The following PLXNA4 variants were observed in gnomAD, a reference collection of about 807,000 sequenced individuals.
PLXNA4 encodes plexin A4, also known as plexin-A4.
Under a neutral mutation model 191.8 loss-of-function variants are expected in PLXNA4, and 44 were observed. That is an observed-to-expected ratio of 0.23 (90% CI 0.18 to 0.29). The LOEUF (loss-of-function observed/expected upper bound fraction) is 0.29, where lower values mean the gene tolerates loss of function less well. Ranked by LOEUF, PLXNA4 falls within the 10% of genes least tolerant of loss-of-function variation. The pLI is 1.00. For synonymous variants in PLXNA4, 1,082 were observed against 1,009.5 expected (o/e 1.07, Z -1.36); for missense variants, 1,800 against 2,488.8 (o/e 0.72, Z 5.89).
intron 7 of PLXNA4, among the ~76,000 whole-genome samples, 189 bp from the exon 8 acceptor site, chr7:132,226,449 T>C (rs1189541471): frequency 2.6e-5 from 4 of 152,128 alleles, no homozygotes; most frequent in East Asian, 3.9e-4. Flanking sequence ...TCTTGTCTAT[T>C]CTCCCTGCCC....
intron 20 of PLXNA4, 50 bp downstream of exon 20, chr7:132,179,637 T>C (rs1013540805): frequency 3.1e-6 from 5 of 1,589,876 alleles, no homozygotes; most frequent in Admixed American, 1.7e-5. Context: ...TGCACACACA[T>C]ATGCACACAC....
At chr7:132,648,138 TACAC>T (rs750632611) in intron 1 of PLXNA4, among the ~76,000 whole-genome samples, 8 of 152,030 alleles carry the variant, frequency 5.3e-5, no homozygotes, top group Non-Finnish European at 1.0e-4. Flanking sequence ...TACACTCACG[TACAC>T]ACACACTTAT....
chr7:132,428,319 C>T (rs1321128026), intron 3 of PLXNA4, among the ~76,000 whole-genome samples: 1 of 152,224 alleles, frequency 6.6e-6, no homozygotes, highest in Non-Finnish European at 1.5e-5. Flanking sequence ...TGGGAAGTCC[C>T]TATGCTCTCC....
At chr7:132,524,029 G>A (rs1165499460) in intron 1 of PLXNA4, among the ~76,000 whole-genome samples, 1 of 152,178 alleles carries the variant, frequency 6.6e-6, no homozygotes, top group African/African-American at 2.4e-5. Context: ...GGCATCTCAT[G>A]TAAATGCTCC....
chr7:132,498,020 A>G (rs908513163), intron 2 of PLXNA4, among the ~76,000 whole-genome samples: 1 of 152,186 alleles, frequency 6.6e-6, no homozygotes, highest in Non-Finnish European at 1.5e-5. Context: ...AAAACAACCC[A>G]ACAAATTATA....
At chr7:132,555,817 C>T (rs1214589939) in intron 1 of PLXNA4, among the ~76,000 whole-genome samples, 1 of 152,216 alleles carries the variant, frequency 6.6e-6, no homozygotes, top group East Asian at 1.9e-4. Context: ...CTAACCAGGG[C>T]TGGTGACTTA....
intron 3 of PLXNA4, among the ~76,000 whole-genome samples, chr7:132,332,850 C>T (rs1271303161): frequency 6.7e-6 from 1 of 149,066 alleles, no homozygotes; most frequent in East Asian, 1.9e-4. Context: ...ACAGAGTAAG[C>T]CCCTGTCTCA....
Position 132,133,039 on chromosome 7 carries a change from C to CA in PLXNA4, c.5589+9dup. 1 of 1,612,428 alleles carries CA rather than the reference C, an allele frequency of 6.2e-7. No homozygotes were observed. The highest frequency in any genetic ancestry group is 2.2e-5 in the East Asian group (1 of 44,864). On this transcript the variant is annotated intron_variant, in intron 31 of 31. Transcript: ENST00000321063. ...CCATCCCAATGGGCCTGGAGCAGGG[C>CA]AAAGCTTACCTCCTCGCTGTATTTG...
chr7:132,391,426 G>A (rs2116993416), intron 3 of PLXNA4, among the ~76,000 whole-genome samples: 1 of 152,332 alleles, frequency 6.6e-6, no homozygotes, highest in East Asian at 1.9e-4. Context: ...TACTTCTCTG[G>A]TTCACCCATG....
At chr7:132,140,033 G>A (rs1035297715) in intron 30 of PLXNA4, among the ~76,000 whole-genome samples, 3 of 152,154 alleles carry the variant, frequency 2.0e-5, no homozygotes, top group Admixed American at 6.5e-5. Flanking sequence ...CTTCAGTCAC[G>A]AGAGCTCTGC....
chr7:132,412,260 C>T (rs1794487826), intron 3 of PLXNA4, among the ~76,000 whole-genome samples: 1 of 152,166 alleles, frequency 6.6e-6, no homozygotes, highest in Admixed American at 6.5e-5. Context: ...GGCATATCTC[C>T]CCCTCCAGAC....
chr7:132,610,910 G>T (rs1483625160), intron 2 of PLXNA4, among the ~76,000 whole-genome samples: 1 of 152,206 alleles, frequency 6.6e-6, no homozygotes, highest in East Asian at 1.9e-4. Flanking sequence ...GCAGGAGGGT[G>T]TCTGGCCCGT....
At chr7:132,275,515 C>G (rs184200982) in intron 4 of PLXNA4, among the ~76,000 whole-genome samples, 1 of 152,294 alleles carries the variant, frequency 6.6e-6, no homozygotes, top group East Asian at 1.9e-4. Context: ...CTCAGTAAAG[C>G]TGGCAAAAGA....
chr7:132,165,718 GAA>G (rs3085196), intron 22 of PLXNA4, among the ~76,000 whole-genome samples: 1 of 149,334 alleles, frequency 6.7e-6, no homozygotes, highest in Non-Finnish European at 1.5e-5. Flanking sequence ...TCTTTTGGGT[GAA>G]AAAAAAAAAT....
chr7:132,284,566 G>C (rs534365970), intron 4 of PLXNA4, among the ~76,000 whole-genome samples: 42 of 152,298 alleles, frequency 2.8e-4, no homozygotes, highest in African/African-American at 9.6e-4. Flanking sequence ...TCTCAGGGAA[G>C]GGGGTTGGGC....
intron 3 of PLXNA4, among the ~76,000 whole-genome samples, chr7:132,462,524 C>T (rs1472987486): frequency 1.3e-5 from 2 of 150,928 alleles, no homozygotes; most frequent in African/African-American, 2.5e-5. Context: ...CATATATATA[C>T]TCTCAACTTT....
chr7:132,341,593 C>G (rs1389751720), intron 3 of PLXNA4, among the ~76,000 whole-genome samples: 1 of 152,162 alleles, frequency 6.6e-6, no homozygotes, highest in African/African-American at 2.4e-5. Flanking sequence ...ACACTCACAC[C>G]TTCTAATTCT....
intron 4 of PLXNA4, among the ~76,000 whole-genome samples, chr7:132,282,187 A>G (rs956806775): frequency 6.6e-6 from 1 of 152,220 alleles, no homozygotes; most frequent in African/African-American, 2.4e-5. Context: ...GTTTTAGGGT[A>G]CATGTGCACA....
intron 2 of PLXNA4, among the ~76,000 whole-genome samples, chr7:132,504,133 C>T (rs575390661): frequency 6.6e-6 from 1 of 152,246 alleles, no homozygotes; most frequent in East Asian, 1.9e-4. Context: ...GGAGCACAGC[C>T]GGCCTTCCCT....
Sources: gnomAD v4.1 joint callset for allele counts (sites outside exome capture counted in the v4.1 genomes callset) on GRCh38, gnomAD v4.1.1 for gene constraint, MANE v1.5 for transcripts, NCBI Gene and HGNC (gene_info 2026-07-23, HGNC 2026-07-21) for gene names.